CSMD1: variants seen among roughly 807,000 people sequenced by gnomAD.
The protein encoded by CSMD1 is CUB and Sushi multiple domains 1.
A neutral mutation model predicts 417.5 loss-of-function variants in CSMD1; 213 were observed. The observed-to-expected ratio is 0.51, with a 90% CI of 0.46 to 0.57. The LOEUF is 0.57. Among genes scored for constraint, CSMD1 ranks in the 20% least tolerant of loss-of-function variants. The pLI is 0.00. For synonymous variants in CSMD1, 2,862 were observed against 1,736.8 expected, an observed-to-expected ratio of 1.65 and a Z score of -16.11; for missense variants, 6,923 against 4,529.7, an observed-to-expected ratio of 1.53 and a Z score of -15.17.
At chr8:3,452,101 G>A (rs1382294754) in intron 12 of CSMD1, among the ~76,000 whole-genome samples, 1 of 152,206 alleles carries the variant, frequency 6.6e-6, no homozygotes, top group South Asian at 2.1e-4. Context: ...GTTCACTCAT[G>A]ATTTGGCTCT....
intron 6 of CSMD1, among the ~76,000 whole-genome samples, chr8:3,734,411 T>C (rs1312779350): frequency 1.3e-5 from 2 of 152,172 alleles, no homozygotes; most frequent in African/African-American, 4.8e-5. Context: ...CACTGCTCAA[T>C]TTAAAATACA....
At chr8:4,486,819 G>A (rs1363114203) in intron 2 of CSMD1, among the ~76,000 whole-genome samples, 1 of 152,176 alleles carries the variant, frequency 6.6e-6, no homozygotes, top group Non-Finnish European at 1.5e-5. Context: ...AAAGGTGCCT[G>A]CAAAAGTTCC....
chr8:3,617,623 A>G (rs753367225), intron 7 of CSMD1, among the ~76,000 whole-genome samples: 21 of 152,198 alleles, frequency 1.4e-4, no homozygotes, highest in Non-Finnish European at 2.6e-4. Context: ...TTCTGTGTCC[A>G]GGTTTCAAAT....
intron 1 of CSMD1, among the ~76,000 whole-genome samples, chr8:4,985,159 A>T (rs1451493399): frequency 6.6e-6 from 1 of 152,170 alleles, no homozygotes; most frequent in Non-Finnish European, 1.5e-5. Context: ...GAGCAAAATG[A>T]TGAGAACACA....
intron 5 of CSMD1, among the ~76,000 whole-genome samples, chr8:3,995,102 C>G (rs528510021): frequency 2.0e-5 from 3 of 152,154 alleles, no homozygotes; most frequent in Admixed American, 1.3e-4. Flanking sequence ...ATTTCAGAGA[C>G]TGTCACTGTA....
At chr8:3,363,894 A>T (rs1302429001) in intron 20 of CSMD1, among the ~76,000 whole-genome samples, 1 of 152,118 alleles carries the variant, frequency 6.6e-6, no homozygotes, top group African/African-American at 2.4e-5. Flanking sequence ...TAGAATGGGG[A>T]TTGTGCAGGT....
intron 3 of CSMD1, among the ~76,000 whole-genome samples, chr8:4,278,473 AAGC>A (rs765123870): frequency 6.6e-6 from 1 of 152,240 alleles, no homozygotes; most frequent in Admixed American, 6.5e-5. Flanking sequence ...TTTAACATGA[AAGC>A]AGCATTTTAA....
rs187591886 is a variant in CSMD1 at position 4,342,655 on chromosome 8, T to C, written c.415+77298A>G. On this transcript the variant is annotated intron_variant, in intron 3 of 69. Coordinates refer to ENST00000635120, the MANE Select transcript of CSMD1 (RefSeq NM_033225.6). The stretch of plus-strand genomic sequence containing the variant: ...ATTCTTTATTTATTTTCATCACATG[T>C]GATGCTAAACATGAACTGGCTGCCC... Among the ~76,000 whole-genome samples, 22 of 152,120 alleles carry C rather than the reference T, an allele frequency of 1.4e-4. No homozygotes were observed. The East Asian group carries it at 3.7e-3, about 26-fold the overall frequency.
At chr8:4,220,009 G>C (rs1368201015) in intron 3 of CSMD1, among the ~76,000 whole-genome samples, 1 of 152,034 alleles carries the variant, frequency 6.6e-6, no homozygotes, top group African/African-American at 2.4e-5. Flanking sequence ...GAGTGCAGTG[G>C]TGCGATCTAG....
intron 57 of CSMD1, among the ~76,000 whole-genome samples, chr8:2,967,492 G>A (rs530856849): frequency 6.6e-6 from 1 of 152,186 alleles, no homozygotes; most frequent in East Asian, 1.9e-4. Context: ...AAGCTCGGCT[G>A]CCGCTGGGTA....
At chr8:4,441,585 A>G (rs1052474314) in intron 2 of CSMD1, among the ~76,000 whole-genome samples, 5 of 152,146 alleles carry the variant, frequency 3.3e-5, no homozygotes, top group Admixed American at 6.5e-5. Flanking sequence ...CAAACATTTT[A>G]TGTTCAATAC....
rs558474305 is a variant in CSMD1, at chr8:3,596,513, T to C, written c.1098-10253A>G. Among the ~76,000 whole-genome samples, 17 of 152,300 alleles carry C rather than the reference T, an allele frequency of 1.1e-4. No homozygotes were observed. The South Asian group carries it at 3.1e-3, about 28-fold the overall frequency. On this transcript the variant is annotated intron_variant, in intron 8 of 69. Coordinates refer to ENST00000635120, the MANE Select transcript of CSMD1 (RefSeq NM_033225.6). The stretch of plus-strand genomic sequence containing the variant: ...GCTGGATTCAAATGGGCTTTCTTTT[T>C]TTGTAACTTGGGAACTTATCACTTA...
chr8:4,672,177 A>G (rs1805372746), intron 1 of CSMD1, among the ~76,000 whole-genome samples: 1 of 152,180 alleles, frequency 6.6e-6, no homozygotes, highest in Non-Finnish European at 1.5e-5. Context: ...CCATTTGCCA[A>G]GTGTCCTGGA....
intron 3 of CSMD1, among the ~76,000 whole-genome samples, chr8:4,290,548 G>T (rs1010744662): frequency 1.3e-5 from 2 of 152,162 alleles, no homozygotes; most frequent in African/African-American, 4.8e-5. Context: ...AAACAAAGAT[G>T]AAGAAGGGCC....
Position 3,824,740 on chromosome 8 carries a change from A to G in CSMD1, c.819-70698T>C, listed in dbSNP as rs1801953584. Among the ~76,000 whole-genome samples, 2 of 152,322 alleles carry G rather than the reference A, an allele frequency of 1.3e-5. 1 individual carries two copies. The highest frequency in any genetic ancestry group is 6.8e-3 in the Middle Eastern group (2 of 294). On this transcript the variant is annotated intron_variant, in intron 5 of 69. Transcript: ENST00000635120. ...TTTAATTTGGCTACTAGAGAATTAA[A>G]ATGAGATGTGGCTCACATTGGTGGC... is the stretch of plus-strand genomic sequence containing the variant.
intron 3 of CSMD1, among the ~76,000 whole-genome samples, chr8:4,189,755 T>A (rs749914673): frequency 1.4e-4 from 22 of 152,166 alleles, no homozygotes; most frequent in Admixed American, 9.2e-4. Context: ...TCTTGATAAA[T>A]TATGAAGATT....
At position 4,197,792 on chromosome 8, in the gene CSMD1, T is replaced by C. The variant is rs575696152; in HGVS notation, c.416-165693A>G. ...TACTTGGGAGGCTGATATGGGAGGA[T>C]TGCTTGAACCCAGGAGGCAGAGGTT... On this transcript the variant is annotated intron_variant, in intron 3 of 69. Transcript: ENST00000635120. Among the ~76,000 whole-genome samples the C allele has an allele frequency of 3.3e-4, 50 of 152,178 alleles. 1 individual carries two copies. The South Asian group carries it at 5.4e-3, about 16-fold the overall frequency.
At chr8:3,888,098 ACCAACGCTC>A (rs1468241952) in intron 5 of CSMD1, among the ~76,000 whole-genome samples, 1 of 152,204 alleles carries the variant, frequency 6.6e-6, no homozygotes, top group Non-Finnish European at 1.5e-5. Context: ...TTAATTAAAA[ACCAACGCTC>A]CTTTGCCTAA....
chr8:3,639,464 T>C (rs1249105529), intron 7 of CSMD1, among the ~76,000 whole-genome samples: 3 of 152,222 alleles, frequency 2.0e-5, no homozygotes, highest in Non-Finnish European at 4.4e-5. Flanking sequence ...TGACCTGAAT[T>C]GTCTAACTGA....
Sources: gnomAD v4.1 joint callset for allele counts (sites outside exome capture counted in the v4.1 genomes callset) on GRCh38, gnomAD v4.1.1 for gene constraint, MANE v1.5 for transcripts, NCBI Gene and HGNC (gene_info 2026-07-23, HGNC 2026-07-21) for gene names.